The following PARP1 variants were observed in gnomAD, a reference collection of about 807,000 sequenced individuals.
PARP1 encodes poly(ADP-ribose) polymerase 1.
PARP1 carries 44 observed loss-of-function variants against 118.7 expected under a neutral mutation model. The ratio of observed to expected loss-of-function variants is 0.37; its 90% CI spans 0.29 to 0.48. The LOEUF (loss-of-function observed/expected upper bound fraction) is 0.48, where lower values mean the gene tolerates loss of function less well. Ranked by LOEUF, PARP1 falls within the 20% of genes least tolerant of loss-of-function variation. PARP1 has a pLI of 0.99. For missense variants in PARP1, 1,100 were observed against 1,272.4 expected (o/e 0.86, Z 2.06); for synonymous variants, 492 against 483.2 (o/e 1.02, Z -0.24).
chr1:226,401,984 A>G, intron 2 of PARP1: 2 of 1,459,554 alleles, frequency 1.4e-6, no homozygotes, highest in African/African-American at 2.9e-5. Flanking sequence ...AAACAAAACA[A>G]CTTTAAAGGC....
chr1:226,372,857 G>A lies in PARP1; in HGVS notation c.2070+1369C>T, dbSNP rs774720329. ...AAACGAGCCCCTCTTCTCCCTTACC[G>A]TAGCACCTCTCAACCTTTCCCTCCA... On this transcript the variant is annotated intron_variant, in intron 14 of 22. Coordinates refer to ENST00000366794, the MANE Select transcript of PARP1 (RefSeq NM_001618.4). Among the ~76,000 whole-genome samples, 13 of 152,192 alleles carry A rather than the reference G, an allele frequency of 8.5e-5. No homozygotes were observed. The South Asian group carries it at 2.5e-3, about 29-fold the overall frequency.
intron 2 of PARP1, 66 bp downstream of exon 2, chr1:226,402,148 G>C: frequency 6.2e-7 from 1 of 1,613,928 alleles, no homozygotes. Context: ...TGCTCTCTGA[G>C]ACGAGGCCCT....
At chr1:226,368,351 G>A in intron 15 of PARP1, 30 bp from the exon 16 acceptor site, 1 of 1,613,856 alleles carries the variant, frequency 6.2e-7, no homozygotes, top group Non-Finnish European at 8.5e-7. Flanking sequence ...AGGAATGCAA[G>A]ACTGAGGGAG....
At chr1:226,362,373 A>ACAGGGTTT in intron 21 of PARP1, 1 of 387,424 alleles carries the variant, frequency 2.6e-6, no homozygotes, top group South Asian at 2.2e-5. Context: ...TTTAGTAGAG[A>ACAGGGTTT]CAGGGTTTCA....
chr1:226,407,107 A>G (rs899330794), intron 1 of PARP1, among the ~76,000 whole-genome samples: 1 of 152,168 alleles, frequency 6.6e-6, no homozygotes, highest in African/African-American at 2.4e-5. Flanking sequence ...GAAACCTCAG[A>G]AGGGGATTCA....
rs755428935 is a variant in PARP1 at position 226,362,082 on chromosome 1, A to T, written c.2850T>A (p.Gly950=). 18 of 1,589,496 alleles carry T rather than the reference A, an allele frequency of 1.1e-5. No individual in the cohort carries two copies. The highest frequency in any genetic ancestry group is 1.6e-5 in the Non-Finnish European group (18 of 1,157,700). Residue 950 remains glycine, a splice_region_variant and synonymous_variant, in exon 22 of 23, where the codon GGT becomes GGA. Transcript: ENST00000366794. ...KLPKGKHSVK[G]LGKTTPDPSA... ...AAGGATCAGGGGTAGTTTTGCCCAA[A>T]CCTGAAAAACAGAAGTCACAAGTGA...
chr1:226,399,313 G>C (rs940548587), intron 2 of PARP1, among the ~76,000 whole-genome samples: 3 of 151,840 alleles, frequency 2.0e-5, no homozygotes, highest in Admixed American at 2.0e-4. Context: ...CTCGTAATCT[G>C]CTGGGCTCGG....
At position 226,367,505 on chromosome 1, in the gene PARP1, T is replaced by C. The variant is rs1664294336; in HGVS notation, c.2381A>G (p.Tyr794Cys). Residue 794 changes from tyrosine to cysteine, a missense_variant, in exon 17 of 23, where the codon TAT becomes TGT. Tyr to Cys is a radical substitution (Grantham distance 194, BLOSUM62 -2). Around this residue, in one of 2 missense-constraint regions of PARP1, gnomAD observed 948 missense variants for 1,031.8 expected, o/e 0.92. Transcript: ENST00000366794. ...DSSKDPIDVN[Y>C]EKLKTDIKVV... ...CTTAATGTCAGTTTTGAGCTTCTCA[T>C]AGTTGACATCGATGGGATCCTTGCT... 6 of 1,614,144 alleles carry C rather than the reference T, an allele frequency of 3.7e-6. No homozygotes were observed. Among genetic ancestry groups the C allele is most frequent in the Non-Finnish European group, 4.2e-6 (5 of 1,180,016 alleles).
Position 226,367,612 on chromosome 1 carries a change from G to A in PARP1, c.2278-4C>T, listed in dbSNP as rs372286466. 1.4e-4 allele frequency: 233 copies of A among 1,613,916 alleles called. No individual in the cohort carries two copies. Among genetic ancestry groups the A allele is most frequent in the Non-Finnish European group, 1.6e-4 (188 of 1,180,036 alleles). On this transcript the variant is annotated splice_region_variant and splice_polypyrimidine_tract_variant and intron_variant, in intron 16 of 22. Transcript: ENST00000366794. ...TGTCAAGCATTTCCACCTTGGCCTG[G>A]AGGAGCAAAAGAAAGCCCCCGACTT...
intron 21 of PARP1, 25 bp from the exon 22 acceptor site, chr1:226,362,108 C>T (rs764480472): frequency 1.5e-6 from 2 of 1,329,466 alleles, no homozygotes; most frequent in Admixed American, 1.7e-5. Context: ...TCACAAGTGA[C>T]ATGAACTGTG....
rs2102738371 is a variant in PARP1 at position 226,385,497 on chromosome 1, C to T, written c.1011+7G>A. ...AACAGATCCCAGGATCTTCCCCTAC[C>T]CCTTACCTTTGGGGTTACCCACTCC... On this transcript the variant is annotated splice_region_variant and intron_variant, in intron 7 of 22. Transcript: ENST00000366794. The T allele has an allele frequency of 6.2e-7, 1 of 1,613,644 alleles. No homozygotes were observed. Among genetic ancestry groups the T allele is most frequent in the East Asian group, 2.2e-5 (1 of 44,872 alleles).
At chr1:226,377,709 C>G (rs1398162544) in intron 12 of PARP1, among the ~76,000 whole-genome samples, 1 of 152,074 alleles carries the variant, frequency 6.6e-6, no homozygotes, top group African/African-American at 2.4e-5. Flanking sequence ...AACTCAGATC[C>G]AAGGCCAAGA....
In PARP1 at chr1:226,385,573, G is replaced by A. The variant is rs61750984; in HGVS notation, c.942C>T (p.Asp314=). The A allele has an allele frequency of 4.0e-3, 6,447 of 1,614,084 alleles. 68 individuals carry two copies. The highest frequency in any genetic ancestry group is 0.023 in the South Asian group (2,057 of 91,072). Residue 314 remains aspartate (D), a synonymous_variant, in exon 7 of 23, where the codon GAC becomes GAT. Transcript: ENST00000366794. ...CCATACACTTGGTCCAGGCAGTGAC[G>A]TCCCCAGTGCAGTAATAGGCATCGC... ...FKSDAYYCTG[D]VTAWTKCMVK... is the part of the protein sequence containing the mutation.
Position 226,368,408 on chromosome 1 carries a change from T to C in PARP1, c.2155-87A>G, listed in dbSNP as rs143879404. On this transcript the variant is annotated intron_variant, in intron 15 of 22. Transcript: ENST00000366794. The stretch of plus-strand genomic sequence containing the variant: ...GCTTTCTCTTTTAGCAGGTGGGTGC[T>C]GCAGCAGGTCCAGAAGTAGCGTGGT... The C allele has an allele frequency of 2.7e-4, 422 of 1,566,850 alleles. 1 individual carries two copies. The East Asian group carries it at 5.6e-3, about 21-fold the overall frequency.
chr1:226,392,705 C>G, intron 2 of PARP1: 1 of 543,536 alleles, frequency 1.8e-6, no homozygotes, highest in Non-Finnish European at 3.2e-6. Flanking sequence ...CTTCTATTTA[C>G]CAAAGTGTTG....
At chr1:226,372,629 C>T (rs780509151) in intron 14 of PARP1, among the ~76,000 whole-genome samples, 43 of 152,290 alleles carry the variant, frequency 2.8e-4, no homozygotes, top group African/African-American at 1.0e-3. Context: ...GAGCCGAGAT[C>T]GTGCATTGCA....
chr1:226,379,097 C>T (rs539088651), intron 12 of PARP1, 45 bp downstream of exon 12: 14 of 1,612,370 alleles, frequency 8.7e-6, no homozygotes, highest in African/African-American at 2.7e-5. Flanking sequence ...CAATGCAGGA[C>T]GGGCCCATGT....
rs1237903756 is a variant in PARP1, at chr1:226,360,717, G to A, written c.*743C>T. ...AGAGAAGGCATCTGCATTTTTAATC[G>A]AGTATTACTATTAGCCCTTGGGTAA... is the stretch of plus-strand genomic sequence containing the variant. On this transcript the variant is annotated 3_prime_UTR_variant, in exon 23 of 23. Coordinates refer to ENST00000366794, the MANE Select transcript of PARP1 (RefSeq NM_001618.4). 8.9e-6 allele frequency: 2 copies of A among 223,872 alleles called. No homozygotes were observed. The highest frequency in any genetic ancestry group is 2.2e-5 in the African/African-American group (1 of 44,790). The allele number at this position is 223,872 out of a possible 1,614,324, so 13.9% of individuals were successfully genotyped here. A position where few individuals can be genotyped will look rare whatever the true frequency, so the allele number is the denominator to read the frequency against.
chr1:226,403,695 CTA>C (rs1665083697), intron 1 of PARP1, among the ~76,000 whole-genome samples: 1 of 152,300 alleles, frequency 6.6e-6, no homozygotes, highest in East Asian at 1.9e-4. Flanking sequence ...TGATTTGACA[CTA>C]TGATTCCTCC....
Sources: gnomAD v4.1 joint callset for allele counts (sites outside exome capture counted in the v4.1 genomes callset) on GRCh38, gnomAD v4.1.1 for gene constraint, gnomAD v4.1.1 regional missense constraint, MANE v1.5 for transcripts, NCBI Gene and HGNC (gene_info 2026-07-23, HGNC 2026-07-21) for gene names.